The following PKP4 variants were observed in gnomAD, a reference collection of about 807,000 sequenced individuals.
PKP4 encodes the protein plakophilin 4, also known as plakophilin-4.
A neutral mutation model predicts 145.1 loss-of-function variants in PKP4; 90 were observed. The observed-to-expected ratio is 0.62, with a 90% CI of 0.52 to 0.74. The LOEUF (loss-of-function observed/expected upper bound fraction) is 0.74, where lower values mean the gene tolerates loss of function less well. Ranked by LOEUF, PKP4 falls within the 30% of genes least tolerant of loss-of-function variation. The pLI is 0.00. For missense variants in PKP4, 1,340 were observed against 1,482.7 expected (o/e 0.90, Z 1.58); for synonymous variants, 563 against 577.2 (o/e 0.98, Z 0.35).
At chr2:158,516,287 A>C (rs766602925) in intron 1 of PKP4, among the ~76,000 whole-genome samples, 4 of 151,458 alleles carry the variant, frequency 2.6e-5, no homozygotes, top group African/African-American at 4.9e-5. Flanking sequence ...TCCAAAGTGC[A>C]GCCTGCACAA....
intron 1 of PKP4, among the ~76,000 whole-genome samples, chr2:158,504,403 A>G (rs1697021447): frequency 1.3e-5 from 2 of 152,202 alleles, no homozygotes; most frequent in African/African-American, 4.8e-5. Flanking sequence ...TGATTGATCC[A>G]ACTTTGAATA....
At chr2:158,618,754 A>G (rs561025333) in intron 4 of PKP4, among the ~76,000 whole-genome samples, 197 of 152,066 alleles carry the variant, frequency 1.3e-3, no homozygotes, top group African/African-American at 4.7e-3. Context: ...TAAGCTCTGA[A>G]TAGCTTTTTT....
chr2:158,604,265 T>C (rs1032153806), intron 4 of PKP4, among the ~76,000 whole-genome samples: 1 of 152,050 alleles, frequency 6.6e-6, no homozygotes, highest in Non-Finnish European at 1.5e-5. Flanking sequence ...ACAACACAAG[T>C]GTCACGGGAA....
At chr2:158,575,466 A>G (rs934121296) in intron 2 of PKP4, among the ~76,000 whole-genome samples, 1 of 152,208 alleles carries the variant, frequency 6.6e-6, no homozygotes, top group Non-Finnish European at 1.5e-5. Context: ...GCAGCCACAA[A>G]CATGATAAAA....
At chr2:158,554,478 T>A (rs370395017) in intron 2 of PKP4, among the ~76,000 whole-genome samples, 1 of 150,698 alleles carries the variant, frequency 6.6e-6, no homozygotes, top group Non-Finnish European at 1.5e-5. Context: ...CAGGCTGGAG[T>A]GCAGTGGTGC....
At chr2:158,632,008 G>A in intron 8 of PKP4, 67 bp downstream of exon 8, 1 of 1,424,096 alleles carries the variant, frequency 7.0e-7, no homozygotes, top group South Asian at 1.2e-5. Flanking sequence ...GTTTTATTGA[G>A]ATTGGGTTCC....
chr2:158,503,457 A>G (rs2060185456), intron 1 of PKP4, among the ~76,000 whole-genome samples: 1 of 152,236 alleles, frequency 6.6e-6, no homozygotes, highest in Admixed American at 6.5e-5. Flanking sequence ...GAGGGCAAAT[A>G]ATATTTTTGT....
intron 1 of PKP4, among the ~76,000 whole-genome samples, chr2:158,469,607 A>T (rs1262598310): frequency 6.6e-6 from 1 of 152,200 alleles, no homozygotes; most frequent in East Asian, 1.9e-4. Flanking sequence ...CAGATTACTT[A>T]ACAAGCTTTA....
chr2:158,621,973 G>C (rs1307472431), intron 6 of PKP4, among the ~76,000 whole-genome samples: 1 of 152,108 alleles, frequency 6.6e-6, no homozygotes, highest in Non-Finnish European at 1.5e-5. Flanking sequence ...AATTCTTCTG[G>C]AAACAACAAG....
chr2:158,537,972 A>G (rs901843556), intron 2 of PKP4, among the ~76,000 whole-genome samples: 2 of 152,158 alleles, frequency 1.3e-5, no homozygotes, highest in African/African-American at 4.8e-5. Flanking sequence ...AGCCGTGATC[A>G]TGCCACTGCA....
chr2:158,564,933 G>A (rs1347509996), intron 2 of PKP4, among the ~76,000 whole-genome samples: 2 of 152,152 alleles, frequency 1.3e-5, no homozygotes, highest in Non-Finnish European at 2.9e-5. Flanking sequence ...TGAGAAGAAT[G>A]TTTTGAAGTA....
chr2:158,680,846 T>C lies in PKP4; in HGVS notation c.*169T>C. On this transcript the variant is annotated 3_prime_UTR_variant, in exon 22 of 22. Transcript: ENST00000389759. ...GAATTATCAGGGAAGTGAGGAAATG[T>C]TTGGGAGAGGACTTTCTAAGCTCTA... 1 of 621,432 alleles carries C rather than the reference T, an allele frequency of 1.6e-6. No homozygotes were observed. Among genetic ancestry groups the C allele is most frequent in the South Asian group, 2.2e-5 (1 of 45,728 alleles). The allele number at this position is 621,432 out of a possible 1,614,324, so 38.5% of individuals were successfully genotyped here.
In PKP4 at chr2:158,640,749, T is replaced by G. The variant is rs746250385; in HGVS notation, c.1685T>G (p.Val562Gly). 6.2e-7 allele frequency: 1 copy of G among 1,614,036 alleles called. No individual in the cohort carries two copies. Residue 562 changes from valine to glycine, a missense_variant, in exon 10 of 22, where the codon GTG becomes GGG. By Grantham distance (109) the Val-to-Gly change is moderately radical. Coordinates refer to ENST00000389759, the MANE Select transcript of PKP4 (RefSeq NM_003628.6). Reference sequence around the variant, plus strand: ...CACCTGTGCTTTGGTGACAACAAAGTGAAGATGGAGGTACAGGACATGGTG... The same window carrying G: ...CACCTGTGCTTTGGTGACAACAAAGGGAAGATGGAGGTACAGGACATGGTG... Reference protein sequence around the residue: ...LQHLCFGDNKVKMEVCRLGGI... With the variant: ...LQHLCFGDNKGKMEVCRLGGI...
chr2:158,648,941 C>T (rs1305532092), intron 11 of PKP4, among the ~76,000 whole-genome samples: 2 of 152,266 alleles, frequency 1.3e-5, no homozygotes, highest in East Asian at 1.9e-4. Flanking sequence ...GATGTTGCAG[C>T]GAGTCGACAT....
chr2:158,638,283 G>A (rs2356139), intron 9 of PKP4, among the ~76,000 whole-genome samples: 102,385 of 152,098 alleles, frequency 0.67, 37,005 homozygotes, highest in East Asian at 0.92. Context: ...AGAAGTAAAA[G>A]TATATAAAAT....
chr2:158,464,087 G>T (rs1690207260), intron 1 of PKP4, among the ~76,000 whole-genome samples: 1 of 152,170 alleles, frequency 6.6e-6, no homozygotes, highest in Admixed American at 6.5e-5. Context: ...TTCAGAAGTT[G>T]GATAGAAACA....
At chr2:158,654,933 T>C (rs1353546407) in intron 11 of PKP4, among the ~76,000 whole-genome samples, 1 of 152,172 alleles carries the variant, frequency 6.6e-6, no homozygotes, top group Non-Finnish European at 1.5e-5. Context: ...TGGATAATGA[T>C]AGGGTATTTC....
intron 1 of PKP4, among the ~76,000 whole-genome samples, chr2:158,483,055 G>C (rs369769789): frequency 1.3e-5 from 2 of 152,094 alleles, no homozygotes; most frequent in African/African-American, 4.8e-5. Flanking sequence ...GTAGTCATTG[G>C]TTCATCTCTA....
At chr2:158,666,269 C>A in intron 15 of PKP4, 144 bp from the exon 16 acceptor site, 2 of 674,566 alleles carry the variant, frequency 3.0e-6, no homozygotes, top group Non-Finnish European at 2.2e-6. Flanking sequence ...TTTCTCTTCA[C>A]TGACACCACA....
Sources: allele counts gnomAD v4.1 joint callset (sites outside exome capture counted in the v4.1 genomes callset), GRCh38; gene constraint gnomAD v4.1.1; transcripts MANE v1.5; gene names NCBI Gene and HGNC (gene_info 2026-07-23, HGNC 2026-07-21).